KCNQ5: variants seen among roughly 807,000 people sequenced by gnomAD.
KCNQ5 encodes potassium voltage-gated channel subfamily Q member 5, also known as potassium voltage-gated channel subfamily KQT member 5.
A neutral mutation model predicts 98.2 loss-of-function variants in KCNQ5; 30 were observed. The ratio of observed to expected loss-of-function variants is 0.31; its 90% CI spans 0.23 to 0.41. The LOEUF (loss-of-function observed/expected upper bound fraction) is 0.41, where lower values mean the gene tolerates loss of function less well. Among genes scored for constraint, KCNQ5 ranks in the 10% least tolerant of loss-of-function variants. KCNQ5 has a pLI of 1.00. For missense variants in KCNQ5, 835 were observed against 1,182.5 expected (o/e 0.71, Z 4.31); for synonymous variants, 458 against 449.4 (o/e 1.02, Z -0.24).
At chr6:72,633,912 G>C (rs1565045464) in intron 1 of KCNQ5, among the ~76,000 whole-genome samples, 1 of 152,136 alleles carries the variant, frequency 6.6e-6, no homozygotes, top group Non-Finnish European at 1.5e-5. Context: ...TTAAATATAA[G>C]ACCTCAAACT....
intron 1 of KCNQ5, among the ~76,000 whole-genome samples, chr6:72,745,406 C>T (rs1180680736): frequency 6.6e-6 from 1 of 152,200 alleles, no homozygotes; most frequent in African/African-American, 2.4e-5. Context: ...ACACTCCTTG[C>T]AATTTCTAGG....
At chr6:73,094,856 C>A (rs1232363597) in intron 5 of KCNQ5, among the ~76,000 whole-genome samples, 6 of 152,116 alleles carry the variant, frequency 3.9e-5, no homozygotes, top group Non-Finnish European at 8.8e-5. Flanking sequence ...TCTTAAAATT[C>A]TTTCCTTTGT....
intron 3 of KCNQ5, among the ~76,000 whole-genome samples, chr6:73,051,732 A>ACG (rs1772251581): frequency 2.8e-5 from 2 of 71,198 alleles, no homozygotes; most frequent in Admixed American, 3.0e-4. Context: ...AAAAAAAAAA[A>ACG]AAAAAAAACT....
chr6:72,906,600 A>T (rs1382701344), intron 1 of KCNQ5, among the ~76,000 whole-genome samples: 2 of 152,064 alleles, frequency 1.3e-5, no homozygotes, highest in East Asian at 3.9e-4. Context: ...CCTGTATTTC[A>T]CTTGGCTGTC....
chr6:72,639,495 A>G (rs1430947361), intron 1 of KCNQ5, among the ~76,000 whole-genome samples: 1 of 152,178 alleles, frequency 6.6e-6, no homozygotes, highest in African/African-American at 2.4e-5. Flanking sequence ...GTGCAGACAT[A>G]GCAATCAGTT....
At chr6:73,056,969 C>T (rs552938780) in intron 3 of KCNQ5, among the ~76,000 whole-genome samples, 72 of 152,104 alleles carry the variant, frequency 4.7e-4, no homozygotes, top group Non-Finnish European at 8.7e-4. Flanking sequence ...CCAGCCATCC[C>T]ATTACTGGGT....
At chr6:72,765,676 A>G (rs368293569) in intron 1 of KCNQ5, among the ~76,000 whole-genome samples, 1 of 152,042 alleles carries the variant, frequency 6.6e-6, no homozygotes, top group African/African-American at 2.4e-5. Flanking sequence ...GAGGCAGCTG[A>G]TATCAACCTT....
intron 1 of KCNQ5, among the ~76,000 whole-genome samples, chr6:73,003,062 G>GT (rs77297471): frequency 2.7e-4 from 41 of 149,676 alleles, no homozygotes; most frequent in African/African-American, 6.6e-4. Context: ...AATAGCTCAG[G>GT]TTTTTTTTTT....
chr6:73,039,764 C>A (rs1468582318), intron 2 of KCNQ5, among the ~76,000 whole-genome samples: 1 of 152,072 alleles, frequency 6.6e-6, no homozygotes, highest in African/African-American at 2.4e-5. Context: ...TGCATGGGTG[C>A]TTTTTAAAAA....
intron 1 of KCNQ5, among the ~76,000 whole-genome samples, chr6:72,702,323 A>G (rs968980371): frequency 6.6e-6 from 1 of 152,218 alleles, no homozygotes; most frequent in Admixed American, 6.5e-5. Context: ...CTGAGATAAC[A>G]GTAGGAACCA....
intron 1 of KCNQ5, among the ~76,000 whole-genome samples, chr6:72,777,354 G>A (rs553820028): frequency 6.6e-6 from 1 of 152,260 alleles, no homozygotes; most frequent in Admixed American, 6.5e-5. Context: ...TGCAGCAGGG[G>A]AGGTGGAGTC....
At chr6:72,764,742 C>G (rs1772476950) in intron 1 of KCNQ5, among the ~76,000 whole-genome samples, 1 of 151,804 alleles carries the variant, frequency 6.6e-6, no homozygotes, top group Non-Finnish European at 1.5e-5. Flanking sequence ...TTAACCATTC[C>G]TACTTCCCCC....
intron 10 of KCNQ5, among the ~76,000 whole-genome samples, chr6:73,160,854 T>C (rs1378541863): frequency 2.0e-5 from 3 of 146,970 alleles, no homozygotes; most frequent in African/African-American, 7.7e-5. Context: ...GTTATTGGTC[T>C]TGAGAGCATC....
chr6:72,980,033 C>T (rs1030412179), intron 1 of KCNQ5, among the ~76,000 whole-genome samples: 5 of 152,060 alleles, frequency 3.3e-5, no homozygotes, highest in African/African-American at 1.2e-4. Context: ...CCATTGGTCT[C>T]TATCTCTGTT....
chr6:73,033,460 A>T (rs1255934450), intron 2 of KCNQ5, among the ~76,000 whole-genome samples: 1 of 152,184 alleles, frequency 6.6e-6, no homozygotes, highest in Non-Finnish European at 1.5e-5. Context: ...ACTTGAATGG[A>T]TAAATCATTT....
chr6:72,898,611 T>C (rs1385621882), intron 1 of KCNQ5, among the ~76,000 whole-genome samples: 4 of 152,252 alleles, frequency 2.6e-5, no homozygotes, highest in African/African-American at 4.8e-5. Flanking sequence ...TCTTAGCTAT[T>C]GTGAATAGTG....
chr6:73,037,722 G>A (rs76135294), intron 2 of KCNQ5, among the ~76,000 whole-genome samples: 2,605 of 152,158 alleles, frequency 0.017, 71 homozygotes, highest in African/African-American at 0.058. Context: ...CTATATGTCT[G>A]TATGTTCCAT....
At chr6:72,917,576 G>A (rs997277825) in intron 1 of KCNQ5, among the ~76,000 whole-genome samples, 5 of 151,612 alleles carry the variant, frequency 3.3e-5, no homozygotes, top group African/African-American at 7.3e-5. Flanking sequence ...AGGTTCAAGC[G>A]ATTCTCCTGC....
At chr6:73,055,968 G>A (rs1772470240) in intron 3 of KCNQ5, 2 of 406,546 alleles carry the variant, frequency 4.9e-6, no homozygotes, top group Non-Finnish European at 9.5e-6. Flanking sequence ...TGCAGATGGG[G>A]ACCGGTGGCT....
Sources: allele counts gnomAD v4.1 joint callset (sites outside exome capture counted in the v4.1 genomes callset), GRCh38; gene constraint gnomAD v4.1.1; transcripts MANE v1.5; gene names NCBI Gene and HGNC (gene_info 2026-07-23, HGNC 2026-07-21).